RPS6KC1: variants seen among roughly 807,000 people sequenced by gnomAD.
The protein encoded by RPS6KC1 is ribosomal protein S6 kinase C1.
A neutral mutation model predicts 103.8 loss-of-function variants in RPS6KC1; 54 were observed. That is an observed-to-expected ratio of 0.52 (90% CI 0.42 to 0.65). RPS6KC1 has a LOEUF of 0.65. Ranked by LOEUF, RPS6KC1 falls within the 30% of genes least tolerant of loss-of-function variation. The pLI, the probability that RPS6KC1 is intolerant of heterozygous loss-of-function variation, is 0.00. For missense variants in RPS6KC1, 1,151 were observed against 1,253.8 expected (o/e 0.92, Z 1.24); for synonymous variants, 439 against 438.7 (o/e 1.00, Z -0.01).
At chr1:213,411,926 G>A in the RPS6KC1 span, among the ~76,000 whole-genome samples, 190 of 152,280 alleles carry the variant, frequency 1.2e-3, no homozygotes, top group African/African-American at 4.4e-3. Context: ...ACAGCAAGAG[G>A]CTTGGTGAGT....
chr1:213,346,626 T>G, the RPS6KC1 span, among the ~76,000 whole-genome samples: 1 of 151,962 alleles, frequency 6.6e-6, no homozygotes, highest in Non-Finnish European at 1.5e-5. Flanking sequence ...GTTTGTTAGT[T>G]TTTTTTTAAC....
the RPS6KC1 span, among the ~76,000 whole-genome samples, chr1:213,559,677 A>G: frequency 1.3e-5 from 2 of 152,242 alleles, no homozygotes; most frequent in Middle Eastern, 3.2e-3. Context: ...CTGGGACTTT[A>G]GTATTGTCTA....
chr1:213,619,206 C>T, the RPS6KC1 span, among the ~76,000 whole-genome samples: 1 of 152,202 alleles, frequency 6.6e-6, no homozygotes, highest in Non-Finnish European at 1.5e-5. Context: ...TAGATCTTCT[C>T]ATGATCACAA....
the RPS6KC1 span, among the ~76,000 whole-genome samples, chr1:213,826,521 T>C: frequency 6.6e-6 from 1 of 152,236 alleles, no homozygotes; most frequent in Non-Finnish European, 1.5e-5. Flanking sequence ...GAACCGGCTA[T>C]ATAATTTGTG....
chr1:213,225,705 C>G (rs2093944824), intron 8 of RPS6KC1, among the ~76,000 whole-genome samples: 1 of 152,150 alleles, frequency 6.6e-6, no homozygotes, highest in Admixed American at 6.5e-5. Context: ...GCCTTTTTAT[C>G]TGATCTGCTT....
chr1:213,701,195 A>G, the RPS6KC1 span, among the ~76,000 whole-genome samples: 4 of 151,756 alleles, frequency 2.6e-5, no homozygotes, highest in Admixed American at 6.6e-5. Context: ...GTGTGTCTAT[A>G]TGGCTTTTAT....
At chr1:213,596,421 C>T in the RPS6KC1 span, among the ~76,000 whole-genome samples, 1 of 152,178 alleles carries the variant, frequency 6.6e-6, no homozygotes, top group African/African-American at 2.4e-5. Context: ...TAAATGAGGT[C>T]CAGTTGAAGA....
chr1:213,141,409 A>G (rs982536832), intron 6 of RPS6KC1, among the ~76,000 whole-genome samples: 1 of 151,912 alleles, frequency 6.6e-6, no homozygotes, highest in African/African-American at 2.4e-5. Flanking sequence ...GTGTGCATAG[A>G]GGTGTTGGTA....
the RPS6KC1 span, among the ~76,000 whole-genome samples, chr1:213,530,724 C>T: frequency 5.3e-5 from 8 of 152,348 alleles, no homozygotes; most frequent in Middle Eastern, 3.4e-3. Context: ...GATCCATTAA[C>T]GTCATGTTTC....
At chr1:213,234,203 GTC>G (rs2094172660) in intron 10 of RPS6KC1, among the ~76,000 whole-genome samples, 1 of 151,932 alleles carries the variant, frequency 6.6e-6, no homozygotes, top group Non-Finnish European at 1.5e-5. Flanking sequence ...TAGAGATTGG[GTC>G]TCTCTATGTT....
the RPS6KC1 span, among the ~76,000 whole-genome samples, chr1:213,824,840 T>C: frequency 6.6e-6 from 1 of 152,230 alleles, no homozygotes; most frequent in Non-Finnish European, 1.5e-5. Flanking sequence ...GTGTTGGGTA[T>C]GTTTTTATCA....
chr1:213,275,387 A>G (rs975551560), downstream of RPS6KC1, among the ~76,000 whole-genome samples: 1 of 152,146 alleles, frequency 6.6e-6, no homozygotes, highest in African/African-American at 2.4e-5. Context: ...GTTTTTCCAG[A>G]TAGATTGCAA....
At chr1:213,638,149 T>C in the RPS6KC1 span, among the ~76,000 whole-genome samples, 1 of 152,100 alleles carries the variant, frequency 6.6e-6, no homozygotes, top group Admixed American at 6.6e-5. Flanking sequence ...ATTCCCCCAA[T>C]AGGTAATGAT....
At chr1:213,433,908 C>T in the RPS6KC1 span, among the ~76,000 whole-genome samples, 1 of 152,188 alleles carries the variant, frequency 6.6e-6, no homozygotes, top group Non-Finnish European at 1.5e-5. Context: ...TTGTTTTTTC[C>T]TTCTCTGAAG....
the RPS6KC1 span, among the ~76,000 whole-genome samples, chr1:213,407,201 ATAT>A: frequency 7.1e-6 from 1 of 140,810 alleles, no homozygotes; most frequent in East Asian, 2.1e-4. Context: ...TGTATGTGTA[ATAT>A]TACATGCACG....
chr1:213,499,689 G>A, the RPS6KC1 span, among the ~76,000 whole-genome samples: 2 of 151,430 alleles, frequency 1.3e-5, no homozygotes, highest in Non-Finnish European at 2.9e-5. Flanking sequence ...TGGCCTGGGG[G>A]CTGGGGCCAG....
chr1:213,235,337 CTTACA>C (rs943330713), intron 10 of RPS6KC1, among the ~76,000 whole-genome samples: 4 of 152,016 alleles, frequency 2.6e-5, no homozygotes, highest in South Asian at 2.1e-4. Context: ...CTGCATGGAG[CTTACA>C]TTACATTACA....
intron 8 of RPS6KC1, among the ~76,000 whole-genome samples, chr1:213,224,826 T>A (rs1228543734): frequency 6.6e-6 from 1 of 152,254 alleles, no homozygotes; most frequent in Non-Finnish European, 1.5e-5. Flanking sequence ...TGGCTCCTTA[T>A]GATCTTTGTG....
At chr1:213,185,275 T>C (rs754329401) in intron 8 of RPS6KC1, among the ~76,000 whole-genome samples, 4 of 152,166 alleles carry the variant, frequency 2.6e-5, no homozygotes, top group Non-Finnish European at 5.9e-5. Flanking sequence ...TATGTGTCTT[T>C]ATAGGTAGGG....
Sources: allele counts gnomAD v4.1 joint callset (sites outside exome capture counted in the v4.1 genomes callset), GRCh38; gene constraint gnomAD v4.1.1; transcripts MANE v1.5; gene names NCBI Gene and HGNC (gene_info 2026-07-23, HGNC 2026-07-21).